SMC2: variants seen among roughly 807,000 people sequenced by gnomAD.
SMC2 encodes the protein structural maintenance of chromosomes 2.
In SMC2, 41 loss-of-function variants were observed where a neutral mutation model predicts 142.6. That is an observed-to-expected ratio of 0.29 (90% CI 0.22 to 0.37). The LOEUF is 0.37. Ranked by LOEUF, SMC2 falls within the 10% of genes least tolerant of loss-of-function variation. SMC2 has a pLI of 1.00. For synonymous variants in SMC2, 463 were observed against 457.5 expected (o/e 1.01, Z -0.15); for missense variants, 1,265 against 1,373.7 (o/e 0.92, Z 1.25).
At chr9:104,130,585 A>G (rs922874289) in intron 21 of SMC2, among the ~76,000 whole-genome samples, 4 of 150,220 alleles carry the variant, frequency 2.7e-5, no homozygotes, top group Non-Finnish European at 5.9e-5. Flanking sequence ...AAATTTTACC[A>G]TAATTTTTTT....
chr9:104,135,336 T>G (rs150744220), intron 23 of SMC2, among the ~76,000 whole-genome samples: 1 of 152,160 alleles, frequency 6.6e-6, no homozygotes, highest in East Asian at 1.9e-4. Flanking sequence ...ATGAGATTAA[T>G]AGGAGATGAG....
intron 13 of SMC2, among the ~76,000 whole-genome samples, chr9:104,115,901 T>C (rs1833051487): frequency 6.6e-6 from 1 of 152,154 alleles, no homozygotes; most frequent in African/African-American, 2.4e-5. Flanking sequence ...TCCTACTCTT[T>C]TTATTTGTTC....
intron 13 of SMC2, 71 bp downstream of exon 13, chr9:104,114,900 T>A: frequency 7.7e-7 from 1 of 1,295,914 alleles, no homozygotes; most frequent in Non-Finnish European, 1.1e-6. Context: ...CTAAAAGAAT[T>A]AAATACTTTG....
rs1236304618 is a variant in SMC2, at chr9:104,096,224, C to G, written c.245C>G (p.Thr82Ser). Residue 82 changes from threonine (T) to serine (S), a missense_variant, in exon 3 of 25, where the codon ACT (threonine) becomes AGT (serine). This residue lies in a region of SMC2 where 168 missense variants were observed against 184.8 expected (regional missense o/e 0.91). Transcript: ENST00000374793. ...AGITKASVSI[T>S]FDNSDKKQSP... ...ATTACCAAAGCCTCTGTGTCAATCA[C>G]TTTTGATAATTCTGACAAAAAGCAA... The G allele has an allele frequency of 6.2e-7, 1 of 1,613,926 alleles. No individual in the cohort carries two copies. Among genetic ancestry groups the G allele is most frequent in the East Asian group, 2.2e-5 (1 of 44,874 alleles).
At chr9:104,126,613 G>T (rs1282800651) in intron 18 of SMC2, 28 bp from the exon 19 acceptor site, 2 of 1,567,746 alleles carry the variant, frequency 1.3e-6, no homozygotes, top group South Asian at 2.3e-5. Context: ...TAACCTATAT[G>T]AATACCTGAA....
At chr9:104,139,106 A>C in intron 24 of SMC2, 33 bp from the exon 25 acceptor site, 1 of 1,473,360 alleles carries the variant, frequency 6.8e-7, no homozygotes, top group Non-Finnish European at 9.1e-7. Context: ...TATCACAAAA[A>C]GTTTTTTTAT....
chr9:104,131,945 C>A, intron 21 of SMC2, 64 bp from the exon 22 acceptor site: 1 of 844,668 alleles, frequency 1.2e-6, no homozygotes, highest in Non-Finnish European at 1.9e-6. Context: ...TTATTTCTGA[C>A]CAAATTCCAG....
intron 9 of SMC2, among the ~76,000 whole-genome samples, chr9:104,106,114 CTT>C (rs1831743262): frequency 6.6e-6 from 1 of 152,278 alleles, no homozygotes; most frequent in Non-Finnish European, 1.5e-5. Context: ...CCTTCAGTGA[CTT>C]TATGAGTAGG....
chr9:104,127,593 C>A, intron 20 of SMC2, 113 bp downstream of exon 20: 1 of 651,454 alleles, frequency 1.5e-6, no homozygotes, highest in Non-Finnish European at 2.3e-6. Context: ...GGCAAAATTA[C>A]AGCCTGGCAT....
upstream of SMC2, among the ~76,000 whole-genome samples, chr9:104,091,295 T>A (rs755456235): frequency 1.6e-4 from 25 of 152,264 alleles, no homozygotes; most frequent in Non-Finnish European, 2.9e-4. Flanking sequence ...AGCATATTAC[T>A]GTACTGAATA....
intron 17 of SMC2, among the ~76,000 whole-genome samples, chr9:104,123,767 CT>C (rs1173634323): frequency 6.6e-6 from 1 of 151,870 alleles, no homozygotes; most frequent in Non-Finnish European, 1.5e-5. Flanking sequence ...ATGTACTGGT[CT>C]TTTAATTTTG....
At chr9:104,112,203 C>T (rs575841471) in intron 10 of SMC2, among the ~76,000 whole-genome samples, 11 of 152,144 alleles carry the variant, frequency 7.2e-5, no homozygotes, top group African/African-American at 2.7e-4. Flanking sequence ...CAGGATTGTC[C>T]TCCCCATTGC....
intron 13 of SMC2, among the ~76,000 whole-genome samples, chr9:104,115,303 G>A (rs972698693): frequency 5.9e-5 from 9 of 151,418 alleles, no homozygotes; most frequent in African/African-American, 1.7e-4. Context: ...GCCTGGGTAT[G>A]GTGGCTCACA....
intron 1 of SMC2, 107 bp downstream of exon 1, chr9:104,094,584 C>A (rs1355542601): frequency 4.3e-5 from 16 of 373,670 alleles, no homozygotes; most frequent in Non-Finnish European, 6.2e-5. Flanking sequence ...GGGAGGGGGA[C>A]CAGTGGCAGA....
At chr9:104,116,406 CAT>C (rs1305268078) in intron 14 of SMC2, 87 bp downstream of exon 14, 3 of 1,255,082 alleles carry the variant, frequency 2.4e-6, no homozygotes, top group South Asian at 3.0e-5. Context: ...GGGACATAAT[CAT>C]ATGCAGAACC....
chr9:104,130,584 C>T (rs1277419795), intron 21 of SMC2, among the ~76,000 whole-genome samples: 1 of 150,184 alleles, frequency 6.7e-6, no homozygotes, highest in Admixed American at 6.6e-5. Context: ...GAAATTTTAC[C>T]ATAATTTTTT....
rs1834116332 is a variant in SMC2, at chr9:104,125,095, A to G, written c.2441A>G (p.Glu814Gly). Residue 814 changes from glutamate to glycine, a missense_variant, in exon 18 of 25, where the codon GAA (glutamate) becomes GGA (glycine). By Grantham distance (98) the Glu-to-Gly change is moderately conservative (BLOSUM62 -2). Transcript: ENST00000374793. ...GATGCATCTAGCAAGAAGATGAAAG[A>G]AAAACAACAGGTAATAACTTCTTTT... ...KADASSKKMK[E>G]KQQEVEAITL... 1.3e-6 allele frequency: 2 copies of G among 1,572,912 alleles called. No individual in the cohort carries two copies. Among genetic ancestry groups the G allele is most frequent in the South Asian group, 1.2e-5 (1 of 83,090 alleles).
intron 1 of SMC2, chr9:104,094,722 G>A: frequency 3.1e-6 from 1 of 322,612 alleles, no homozygotes; most frequent in Non-Finnish European, 5.7e-6. Flanking sequence ...TGGAGAATAT[G>A]AGATACATCT....
upstream of SMC2, among the ~76,000 whole-genome samples, chr9:104,090,418 C>G (rs926982160): frequency 2.6e-5 from 4 of 151,940 alleles, no homozygotes; most frequent in Non-Finnish European, 5.9e-5. Flanking sequence ...AACCTGGAGC[C>G]TTAGGAATAG....
Sources: allele counts gnomAD v4.1 joint callset (sites outside exome capture counted in the v4.1 genomes callset), GRCh38; gene constraint gnomAD v4.1.1; regional missense constraint gnomAD v4.1.1; transcripts MANE v1.5; gene names NCBI Gene and HGNC (gene_info 2026-07-23, HGNC 2026-07-21).